Variants in NAALADL2 observed in about 807,000 individuals in gnomAD.
The protein encoded by NAALADL2 is N-acetylated alpha-linked acidic dipeptidase like 2.
A neutral mutation model predicts 87.2 loss-of-function variants in NAALADL2; 76 were observed. The observed-to-expected ratio is 0.87, with a 90% CI of 0.72 to 1.05. The LOEUF is 1.05. Among genes scored for constraint, NAALADL2 ranks in the 50% least tolerant of loss-of-function variants. NAALADL2 has a pLI of 0.00. For missense variants in NAALADL2, 1,089 were observed against 945.8 expected (o/e 1.15, Z -1.99); for synonymous variants, 354 against 331.0 (o/e 1.07, Z -0.75).
At chr3:175,356,576 AAAT>A (rs377522672) in intron 5 of NAALADL2, among the ~76,000 whole-genome samples, 2,230 of 131,700 alleles carry the variant, frequency 0.017, 15 homozygotes, top group African/African-American at 0.022. Context: ...CCCTGTGTCA[AAAT>A]AATAATAATA....
At chr3:174,962,526 A>G (rs1196975625) in intron 1 of NAALADL2, among the ~76,000 whole-genome samples, 1 of 150,454 alleles carries the variant, frequency 6.6e-6, no homozygotes, top group Non-Finnish European at 1.5e-5. Context: ...TGGACCATAC[A>G]TAATAAAAGG....
In NAALADL2 at chr3:175,050,387, G is replaced by A. The variant is rs186416976; in HGVS notation, c.44-46403G>A. Among the ~76,000 whole-genome samples the A allele has an allele frequency of 3.1e-3, 470 of 152,160 alleles. 1 individual carries two copies. Among genetic ancestry groups the A allele is most frequent in the Non-Finnish European group, 4.9e-3 (336 of 68,006 alleles). ...AAACAGTTCTCCTGCTCAGCCTCCC[G>A]AGTAGCTGGGATCACAGGGACGCAC... On this transcript the variant is annotated intron_variant, in intron 1 of 13. Coordinates refer to ENST00000454872, the MANE Select transcript of NAALADL2 (RefSeq NM_207015.3).
At chr3:175,142,853 C>T (rs1435347367) in intron 2 of NAALADL2, among the ~76,000 whole-genome samples, 1 of 151,864 alleles carries the variant, frequency 6.6e-6, no homozygotes, top group African/African-American at 2.4e-5. Context: ...ATATGAATAC[C>T]TGTCATTAGT....
At chr3:174,874,754 CAT>C (rs1226127567) in intron 1 of NAALADL2, among the ~76,000 whole-genome samples, 1 of 152,010 alleles carries the variant, frequency 6.6e-6, no homozygotes, top group Non-Finnish European at 1.5e-5. Flanking sequence ...ATGAAATACA[CAT>C]GTGTCTTGAA....
chr3:175,689,664 G>A (rs879282939), intron 11 of NAALADL2, among the ~76,000 whole-genome samples: 1 of 152,156 alleles, frequency 6.6e-6, no homozygotes, highest in Non-Finnish European at 1.5e-5. Flanking sequence ...TACAGGATAA[G>A]TTGACTTAAA....
At chr3:175,491,278 AT>A (rs1728061309) in intron 9 of NAALADL2, among the ~76,000 whole-genome samples, 2 of 151,048 alleles carry the variant, frequency 1.3e-5, no homozygotes, top group African/African-American at 4.8e-5. Flanking sequence ...TCTATAAAAT[AT>A]TATTGTCCAA....
At chr3:174,755,810 A>T (rs1363117889) in intron 3 of NAALADL2, among the ~76,000 whole-genome samples, 6 of 152,220 alleles carry the variant, frequency 3.9e-5, no homozygotes, top group African/African-American at 1.4e-4. Flanking sequence ...CTTCTATTCA[A>T]AATATCTACT....
chr3:175,468,269 A>G, intron 8 of NAALADL2, among the ~76,000 whole-genome samples: 1 of 152,128 alleles, frequency 6.6e-6, no homozygotes, highest in East Asian at 1.9e-4. Context: ...GCTTTTCTGT[A>G]TGCAAATGAG....
intron 5 of NAALADL2, among the ~76,000 whole-genome samples, chr3:175,328,986 A>G (rs909801268): frequency 3.9e-5 from 6 of 152,224 alleles, no homozygotes; most frequent in African/African-American, 1.4e-4. Flanking sequence ...TGAAAATAGT[A>G]TTAGGAATAA....
chr3:175,351,076 G>A (rs1257210052), intron 5 of NAALADL2, among the ~76,000 whole-genome samples: 8 of 152,040 alleles, frequency 5.3e-5, no homozygotes, highest in African/African-American at 1.2e-4. Flanking sequence ...AATATGTTCA[G>A]TAAATGTGCT....
rs141979909 is a variant in NAALADL2 at position 175,565,572 on chromosome 3, G to A, written c.1654-10469G>A. 4.1e-4 allele frequency among the ~76,000 whole-genome samples: 62 copies of A among 152,108 alleles called. 1 individual carries two copies. Among genetic ancestry groups the A allele is most frequent in the African/African-American group, 1.1e-3 (47 of 41,482 alleles). On this transcript the variant is annotated intron_variant, in intron 9 of 13. Coordinates refer to ENST00000454872, the MANE Select transcript of NAALADL2 (RefSeq NM_207015.3). ...TTAAGTGTCCCTTACCCCAGCAGAGGCCTCATGCTGTTGTCCATTCCCAAA... is the reference window on the plus strand; with the variant it reads ...TTAAGTGTCCCTTACCCCAGCAGAGACCTCATGCTGTTGTCCATTCCCAAA...
At chr3:175,538,087 A>G (rs1457139330) in intron 9 of NAALADL2, among the ~76,000 whole-genome samples, 1 of 152,174 alleles carries the variant, frequency 6.6e-6, no homozygotes, top group East Asian at 1.9e-4. Flanking sequence ...TGGTTTAATT[A>G]AATTATATTG....
At chr3:175,216,197 A>G (rs933620237) in intron 2 of NAALADL2, among the ~76,000 whole-genome samples, 1 of 152,134 alleles carries the variant, frequency 6.6e-6, no homozygotes, top group African/African-American at 2.4e-5. Context: ...AAGATGACCA[A>G]TTTTGAATAT....
chr3:175,184,143 C>T (rs1736994943), intron 2 of NAALADL2, among the ~76,000 whole-genome samples: 1 of 152,070 alleles, frequency 6.6e-6, no homozygotes, highest in African/African-American at 2.4e-5. Flanking sequence ...CATTCTTTGT[C>T]CATAGTTGCT....
chr3:174,690,448 G>T (rs1184758415), intron 2 of NAALADL2, among the ~76,000 whole-genome samples: 1 of 152,084 alleles, frequency 6.6e-6, no homozygotes, highest in African/African-American at 2.4e-5. Flanking sequence ...TTAAATTGTA[G>T]GTGGTCTCTT....
intron 3 of NAALADL2, among the ~76,000 whole-genome samples, chr3:175,239,558 C>T (rs968580783): frequency 6.6e-6 from 1 of 152,052 alleles, no homozygotes; most frequent in Non-Finnish European, 1.5e-5. Flanking sequence ...TTTCTTATTT[C>T]CATACATTTT....
chr3:174,918,677 G>A (rs1734738771), intron 1 of NAALADL2, among the ~76,000 whole-genome samples: 1 of 152,118 alleles, frequency 6.6e-6, no homozygotes, highest in Non-Finnish European at 1.5e-5. Flanking sequence ...CCATAAGAGT[G>A]AAAAGAAGCA....
At chr3:175,469,640 G>A (rs1279568007) in intron 8 of NAALADL2, among the ~76,000 whole-genome samples, 1 of 151,992 alleles carries the variant, frequency 6.6e-6, no homozygotes, top group Non-Finnish European at 1.5e-5. Context: ...CTTCTGTGAA[G>A]AATCCTCGTT....
chr3:175,001,229 A>G (rs779706287), intron 1 of NAALADL2, among the ~76,000 whole-genome samples: 1 of 152,228 alleles, frequency 6.6e-6, no homozygotes, highest in Non-Finnish European at 1.5e-5. Flanking sequence ...ATCCTGATTC[A>G]GACTCTGATT....
Sources: allele counts gnomAD v4.1 joint callset (sites outside exome capture counted in the v4.1 genomes callset), GRCh38; gene constraint gnomAD v4.1.1; transcripts MANE v1.5; gene names NCBI Gene and HGNC (gene_info 2026-07-23, HGNC 2026-07-21).